The following BRD10 variants were observed in gnomAD, a reference collection of about 807,000 sequenced individuals.
BRD10 encodes uncharacterized bromodomain-containing protein 10.
the BRD10 span, chr9:5,892,685 C>A: frequency 1.5e-6 from 1 of 673,044 alleles, no homozygotes; most frequent in East Asian, 2.9e-5. Flanking sequence ...TCCCTGGCAA[C>A]AAGGGGAGGA....
chr9:6,001,112 C>T, the BRD10 span, among the ~76,000 whole-genome samples: 1 of 152,202 alleles, frequency 6.6e-6, no homozygotes, highest in South Asian at 2.1e-4. Flanking sequence ...TCTGCTCCTT[C>T]ATACTCCACA....
chr9:6,005,788 AAC>A, the BRD10 span, among the ~76,000 whole-genome samples: 4 of 152,232 alleles, frequency 2.6e-5, no homozygotes, highest in Non-Finnish European at 4.4e-5. Flanking sequence ...AAGGGTAACA[AAC>A]ACACTACAGA....
At chr9:5,996,919 T>C in the BRD10 span, among the ~76,000 whole-genome samples, 2 of 152,218 alleles carry the variant, frequency 1.3e-5, no homozygotes, top group African/African-American at 4.8e-5. Flanking sequence ...AATATGCTAA[T>C]GTTCCCTAGA....
chr9:5,988,470 T>C, the BRD10 span: 1 of 1,613,982 alleles, frequency 6.2e-7, no homozygotes, highest in Non-Finnish European at 8.5e-7. Context: ...TTGAGGTACA[T>C]GCAGTTCCCT....
chr9:5,991,001 G>C, the BRD10 span, among the ~76,000 whole-genome samples: 1 of 152,154 alleles, frequency 6.6e-6, no homozygotes, highest in Middle Eastern at 3.4e-3. Flanking sequence ...ATAATGTACT[G>C]AACATTACAA....
chr9:5,992,958 T>G, the BRD10 span, among the ~76,000 whole-genome samples: 3 of 152,192 alleles, frequency 2.0e-5, no homozygotes, highest in Admixed American at 2.0e-4. Flanking sequence ...ACAATGTACA[T>G]GTGTCACCTA....
At chr9:5,911,405 GT>G in the BRD10 span, among the ~76,000 whole-genome samples, 405 of 103,562 alleles carry the variant, frequency 3.9e-3, 1 homozygote, top group East Asian at 5.7e-3. Context: ...GTCTATGTGT[GT>G]TTTTTTTTTT....
chr9:5,969,558 AT>A, the BRD10 span: 1 of 709,026 alleles, frequency 1.4e-6, no homozygotes, highest in Non-Finnish European at 2.2e-6. Context: ...TTATTTATTT[AT>A]TTGAGACAGA....
At chr9:5,969,027 G>A in the BRD10 span, 1 of 1,611,524 alleles carries the variant, frequency 6.2e-7, no homozygotes, top group Non-Finnish European at 8.5e-7. Context: ...TTAAAAAACT[G>A]AGGACACAAC....
At chr9:5,959,478 C>T in the BRD10 span, among the ~76,000 whole-genome samples, 1 of 152,100 alleles carries the variant, frequency 6.6e-6, no homozygotes, top group Non-Finnish European at 1.5e-5. Context: ...TGTATAAAGG[C>T]TTAGAACAGT....
the BRD10 span, among the ~76,000 whole-genome samples, chr9:6,001,219 G>A: frequency 2.0e-5 from 3 of 152,076 alleles, no homozygotes; most frequent in Admixed American, 6.6e-5. Flanking sequence ...TCTCTTGATG[G>A]AATTAACTCA....
the BRD10 span, among the ~76,000 whole-genome samples, chr9:5,990,149 T>C: frequency 3.3e-5 from 5 of 152,216 alleles, no homozygotes; most frequent in Non-Finnish European, 7.3e-5. Context: ...CAGTATACAA[T>C]GGCATACATC....
At chr9:5,925,278 G>A in the BRD10 span, among the ~76,000 whole-genome samples, 1 of 150,430 alleles carries the variant, frequency 6.6e-6, no homozygotes, top group African/African-American at 2.5e-5. Flanking sequence ...AGAACTGCTT[G>A]AACCCAGGAG....
chr9:5,916,519 A>G, the BRD10 span, among the ~76,000 whole-genome samples: 1,146 of 150,196 alleles, frequency 7.6e-3, 16 homozygotes, highest in African/African-American at 0.027. Context: ...ATATATACAT[A>G]TGTGTGTATA....
the BRD10 span, among the ~76,000 whole-genome samples, chr9:5,985,356 C>T: frequency 6.6e-6 from 1 of 151,024 alleles, no homozygotes; most frequent in African/African-American, 2.4e-5. Flanking sequence ...GGTAGGTCCA[C>T]AAAAACATTT....
the BRD10 span, among the ~76,000 whole-genome samples, chr9:5,934,358 CTTT>C: frequency 5.4e-5 from 7 of 129,988 alleles, no homozygotes; most frequent in Non-Finnish European, 6.5e-5. Flanking sequence ...TTACGCTTTT[CTTT>C]TTTTTTTTTT....
At chr9:5,889,637 T>G in the BRD10 span, among the ~76,000 whole-genome samples, 1 of 151,914 alleles carries the variant, frequency 6.6e-6, no homozygotes, top group African/African-American at 2.4e-5. Flanking sequence ...ATACAAAAAT[T>G]TGCCAGGTGT....
At chr9:5,989,715 G>C in the BRD10 span, among the ~76,000 whole-genome samples, 2 of 151,950 alleles carry the variant, frequency 1.3e-5, no homozygotes, top group East Asian at 3.9e-4. Flanking sequence ...ATTTTGTAGA[G>C]ACAGGGTTTC....
chr9:5,914,409 G>GTTTTTTTTTTTTTT, the BRD10 span, among the ~76,000 whole-genome samples: 5 of 106,924 alleles, frequency 4.7e-5, 1 homozygote, highest in Non-Finnish European at 9.0e-5. Flanking sequence ...AAATCCAGAT[G>GTTTTTTTTTTTTTT]GTTTTTTTTT....
Sources: allele counts gnomAD v4.1 joint callset (sites outside exome capture counted in the v4.1 genomes callset), GRCh38; gene constraint gnomAD v4.1.1; transcripts MANE v1.5; gene names NCBI Gene and HGNC (gene_info 2026-07-23, HGNC 2026-07-21).